BLZF1: variants seen among roughly 807,000 people sequenced by gnomAD.
The protein encoded by BLZF1 is basic leucine zipper nuclear factor 1, also known as golgin-45.
In BLZF1, 39 loss-of-function variants were observed where a neutral mutation model predicts 43.8. The ratio of observed to expected loss-of-function variants is 0.89; its 90% CI spans 0.69 to 1.16. The LOEUF (loss-of-function observed/expected upper bound fraction) is 1.16, where lower values mean the gene tolerates loss of function less well. Ranked by LOEUF, BLZF1 falls within the 50% of genes most tolerant of loss-of-function variation. The pLI is 0.00. For missense variants in BLZF1, 449 were observed against 469.8 expected, an observed-to-expected ratio of 0.96 and a Z score of 0.41; for synonymous variants, 136 against 159.4, an observed-to-expected ratio of 0.85 and a Z score of 1.11.
At chr1:169,374,251 G>GT (rs1301342407) in intron 2 of BLZF1, among the ~76,000 whole-genome samples, 1 of 151,816 alleles carries the variant, frequency 6.6e-6, no homozygotes, top group African/African-American at 2.4e-5. Context: ...TTTGGTCATG[G>GT]TGGCACATGC....
At chr1:169,373,173 C>G (rs1051658908) in intron 2 of BLZF1, among the ~76,000 whole-genome samples, 6 of 152,222 alleles carry the variant, frequency 3.9e-5, no homozygotes, top group African/African-American at 1.4e-4. Flanking sequence ...TTTGTTCTTT[C>G]CCTACATTTC....
chr1:169,385,711 T>C (rs1654646969), intron 6 of BLZF1, among the ~76,000 whole-genome samples: 1 of 152,048 alleles, frequency 6.6e-6, no homozygotes, highest in Non-Finnish European at 1.5e-5. Context: ...GAAAAAGCAG[T>C]CTAGTTGAAA....
At chr1:169,369,337 T>A (rs1027819022) in intron 1 of BLZF1, 136 bp from the exon 2 acceptor site, 1 of 478,496 alleles carries the variant, frequency 2.1e-6, no homozygotes, top group Non-Finnish European at 3.8e-6. Flanking sequence ...GAGAATGGGA[T>A]ATAAGGGACA....
intron 1 of BLZF1, among the ~76,000 whole-genome samples, chr1:169,368,621 A>G (rs1394204612): frequency 6.6e-6 from 1 of 152,156 alleles, no homozygotes; most frequent in Non-Finnish European, 1.5e-5. Context: ...CTGTGCCTGT[A>G]CGTTTCGCAG....
At chr1:169,369,027 G>A (rs1288455802) in intron 1 of BLZF1, among the ~76,000 whole-genome samples, 72 of 152,000 alleles carry the variant, frequency 4.7e-4, no homozygotes, top group Admixed American at 4.7e-3. Context: ...ATGTTATCTT[G>A]AGTAATATTT....
At chr1:169,390,363 G>GA (rs1487856588), downstream of BLZF1, among the ~76,000 whole-genome samples, 1 of 151,952 alleles carries the variant, frequency 6.6e-6, no homozygotes, top group Non-Finnish European at 1.5e-5. Context: ...ATAGAGAATA[G>GA]AAAAACAAGA....
intron 2 of BLZF1, among the ~76,000 whole-genome samples, chr1:169,375,399 T>TAC (rs1654278996): frequency 1.6e-5 from 1 of 63,952 alleles, no homozygotes; most frequent in African/African-American, 7.4e-5. Context: ...AAAACATATA[T>TAC]ATATATATAT....
At chr1:169,388,534 A>G (rs1306719985), downstream of BLZF1, among the ~76,000 whole-genome samples, 1 of 152,260 alleles carries the variant, frequency 6.6e-6, no homozygotes, top group African/African-American at 2.4e-5. Context: ...ATTGAATTTC[A>G]TCAAAATTTC....
Position 169,376,633 on chromosome 1 carries a change from C to G in BLZF1, c.122C>G (p.Ser41Cys). 1.2e-6 allele frequency: 2 copies of G among 1,613,218 alleles called. No individual in the cohort carries two copies. Among genetic ancestry groups the G allele is most frequent in the Non-Finnish European group, 1.7e-6 (2 of 1,179,512 alleles). The change falls in exon 3 of 7, where the codon TCT becomes TGT. Residue 41 changes from serine (S) to cysteine (C), a missense_variant. By Grantham distance (112) the Ser-to-Cys change is moderately radical. Coordinates refer to ENST00000367808, the MANE Select transcript of BLZF1 (RefSeq NM_001320973.2). ...KSVEVTSGVQSRKHHSLQSPW... is the reference protein window; with the variant it reads ...KSVEVTSGVQCRKHHSLQSPW... ...GTTGAAGTTACCTCCGGAGTCCAAT[C>G]TAGAAAGCATCATAGTCTTCAGAGT... is the stretch of plus-strand genomic sequence containing the variant.
At chr1:169,377,077 A>C in intron 3 of BLZF1, 98 bp downstream of exon 3, 12 of 983,162 alleles carry the variant, frequency 1.2e-5, no homozygotes, top group Non-Finnish European at 1.8e-5. Flanking sequence ...TGGGAATGTC[A>C]TTCATCCTAG....
downstream of BLZF1, among the ~76,000 whole-genome samples, chr1:169,390,865 CA>C (rs1654798773): frequency 6.6e-6 from 1 of 152,246 alleles, no homozygotes; most frequent in Middle Eastern, 3.4e-3. Flanking sequence ...AAGAAATAAA[CA>C]AAAACATAAA....
chr1:169,381,120 T>A (rs1328357980), intron 5 of BLZF1, among the ~76,000 whole-genome samples: 1 of 151,184 alleles, frequency 6.6e-6, no homozygotes, highest in Non-Finnish European at 1.5e-5. Flanking sequence ...ATTAGAAGAA[T>A]GAAAACACAA....
At chr1:169,380,433 C>G in intron 4 of BLZF1, 48 bp from the exon 5 acceptor site, 6 of 1,530,776 alleles carry the variant, frequency 3.9e-6, no homozygotes, top group Non-Finnish European at 5.3e-6. Flanking sequence ...ATTTTTTACA[C>G]TGTATTATTG....
chr1:169,386,981 A>T lies in BLZF1; in HGVS notation c.1018-16A>T. 1 of 1,567,970 alleles carries T rather than the reference A, an allele frequency of 6.4e-7. No individual in the cohort carries two copies. The highest frequency in any genetic ancestry group is 1.4e-5 in the African/African-American group (1 of 73,392). ...CTATATTGCATACTTCTGACATTAT[A>T]TCTTATTTTCCTTAGGTTCTAAGAA... On this transcript the variant is annotated splice_polypyrimidine_tract_variant and intron_variant, in intron 6 of 6. Transcript: ENST00000367808.
chr1:169,383,584 C>T (rs542294042), intron 6 of BLZF1, among the ~76,000 whole-genome samples: 1 of 152,270 alleles, frequency 6.6e-6, no homozygotes, highest in Admixed American at 6.5e-5. Context: ...CCCCACTATT[C>T]TCAGTAAGTA....
At chr1:169,382,331 A>C in intron 6 of BLZF1, 50 bp downstream of exon 6, 2 of 1,507,130 alleles carry the variant, frequency 1.3e-6, no homozygotes, top group Non-Finnish European at 1.8e-6. Context: ...CTGTCCTTTT[A>C]CTGAAAGGTG....
intron 6 of BLZF1, 151 bp from the exon 7 acceptor site, chr1:169,386,846 T>A: frequency 3.7e-6 from 2 of 546,724 alleles, no homozygotes; most frequent in Non-Finnish European, 6.3e-6. Context: ...AGGAAGTAAG[T>A]TGTCTTTTCA....
Position 169,387,240 on chromosome 1 carries a change from A to G in BLZF1, c.*58A>G, listed in dbSNP as rs1654704148. The G allele has an allele frequency of 1.3e-6, 2 of 1,491,474 alleles. No individual in the cohort carries two copies. Among genetic ancestry groups the G allele is most frequent in the African/African-American group, 1.4e-5 (1 of 70,534 alleles). 92.4% of individuals were successfully genotyped at this position (1,491,474 alleles called of 1,614,324 possible). A position where few individuals can be genotyped will look rare whatever the true frequency, so the allele number is the denominator to read the frequency against. ...TCCTTATTACCCAAGAGTCATTATT[A>G]TTTGGGAGCTGGGGTTCTTACAATG... On this transcript the variant is annotated 3_prime_UTR_variant, in exon 7 of 7. Coordinates refer to ENST00000367808, the MANE Select transcript of BLZF1 (RefSeq NM_001320973.2).
At chr1:169,392,736 A>G (rs1654845473), downstream of BLZF1, among the ~76,000 whole-genome samples, 2 of 152,172 alleles carry the variant, frequency 1.3e-5, no homozygotes, top group South Asian at 2.1e-4. Flanking sequence ...GGGAGGGGGA[A>G]GTCCTGAAGG....
Sources: gnomAD v4.1 joint callset for allele counts (sites outside exome capture counted in the v4.1 genomes callset) on GRCh38, gnomAD v4.1.1 for gene constraint, MANE v1.5 for transcripts, NCBI Gene and HGNC (gene_info 2026-07-23, HGNC 2026-07-21) for gene names.